The following TCF7L1 variants were observed in gnomAD, a reference collection of about 807,000 sequenced individuals.
The protein encoded by TCF7L1 is transcription factor 7 like 1.
TCF7L1 carries 18 observed loss-of-function variants against 63.7 expected under a neutral mutation model. The ratio of observed to expected loss-of-function variants is 0.28; its 90% confidence interval spans 0.20 to 0.42. The LOEUF is 0.42. TCF7L1 is among the 10% of genes least tolerant of loss of function. The probability of loss-of-function intolerance (pLI) is 1.00; values close to 1 mark genes in which losing one functional copy is unlikely to be tolerated. For synonymous variants in TCF7L1, 355 were observed against 340.9 expected, an observed-to-expected ratio of 1.04 and a Z score of -0.46; for missense variants, 654 against 779.3, an observed-to-expected ratio of 0.84 and a Z score of 1.91.
In TCF7L1 at chr2:85,309,829, A is replaced by G. The variant is rs757965981; in HGVS notation, c.*367A>G. 21 of 213,142 alleles carry G rather than the reference A, an allele frequency of 9.9e-5. No individual in the cohort carries two copies. Among genetic ancestry groups the G allele is most frequent in the Middle Eastern group, 1.6e-3 (1 of 616 alleles). The allele number at this position is 213,142 out of a possible 1,614,324, so 13.2% of individuals were successfully genotyped here. A position where few individuals can be genotyped will look rare whatever the true frequency, so the allele number is the denominator to read the frequency against. On this transcript the variant is annotated 3_prime_UTR_variant, in exon 12 of 12. Transcript: ENST00000282111. The stretch of plus-strand genomic sequence containing the variant: ...CCTGCCGCCTGCCCCAGCTTCCCCG[A>G]CTCCATCTGCAGCTCTGCCATTGTG...
At chr2:85,252,306 A>G (rs1240870589) in intron 3 of TCF7L1, among the ~76,000 whole-genome samples, 1 of 152,240 alleles carries the variant, frequency 6.6e-6, no homozygotes, top group African/African-American at 2.4e-5. Context: ...TTTTGAAGCC[A>G]TATTCATGGC....
At chr2:85,295,899 T>C (rs1359873597) in intron 4 of TCF7L1, among the ~76,000 whole-genome samples, 1 of 146,952 alleles carries the variant, frequency 6.8e-6, no homozygotes. Flanking sequence ...TGCCTCAGCC[T>C]CCTGAGTAGC....
chr2:85,143,410 TGGCTGCTCC>T (rs1303189180), intron 3 of TCF7L1, among the ~76,000 whole-genome samples: 2 of 152,136 alleles, frequency 1.3e-5, no homozygotes, highest in Non-Finnish European at 2.9e-5. Flanking sequence ...TGAGGTAAAA[TGGCTGCTCC>T]GGCTGCTCTT....
chr2:85,181,065 C>G (rs1572979404), intron 3 of TCF7L1, among the ~76,000 whole-genome samples: 1 of 152,148 alleles, frequency 6.6e-6, no homozygotes, highest in Non-Finnish European at 1.5e-5. Flanking sequence ...CTGGTGGGTT[C>G]AGGTTTCGTA....
intron 3 of TCF7L1, among the ~76,000 whole-genome samples, chr2:85,136,955 G>A (rs1351137431): frequency 6.6e-6 from 1 of 152,162 alleles, no homozygotes; most frequent in Non-Finnish European, 1.5e-5. Context: ...CTGGTAAAAT[G>A]AATGTGGATA....
chr2:85,290,049 C>T (rs1434945959), intron 4 of TCF7L1, among the ~76,000 whole-genome samples: 1 of 150,376 alleles, frequency 6.6e-6, no homozygotes, highest in Non-Finnish European at 1.5e-5. Flanking sequence ...GCGATCTCAG[C>T]TCACTGCAAC....
In TCF7L1 at chr2:85,230,321, T is replaced by C. The variant is rs1680048608; in HGVS notation, c.442-53174T>C. Among the ~76,000 whole-genome samples, 3 of 152,172 alleles carry C rather than the reference T, an allele frequency of 2.0e-5. No individual in the cohort carries two copies. The South Asian group carries it at 6.2e-4, about 32-fold the overall frequency. ...GAGTACAATCCTAGATTTGGGCTCA[T>C]TGAGTAAAAGGCTAGAAACATCTTT... On this transcript the variant is annotated intron_variant, in intron 3 of 11. Transcript: ENST00000282111.
chr2:85,159,793 G>A (rs1227127722), intron 3 of TCF7L1, among the ~76,000 whole-genome samples: 6 of 152,214 alleles, frequency 3.9e-5, no homozygotes, highest in East Asian at 1.9e-4. Context: ...ACATCCTGCC[G>A]GCCTTGCTGG....
intron 3 of TCF7L1, among the ~76,000 whole-genome samples, chr2:85,136,726 G>A (rs1453570209): frequency 1.3e-5 from 2 of 152,186 alleles, no homozygotes; most frequent in African/African-American, 4.8e-5. Context: ...CTGGGGAAGT[G>A]TCCTGCCCTT....
At chr2:85,137,509 A>G (rs1677621332) in intron 3 of TCF7L1, among the ~76,000 whole-genome samples, 1 of 152,208 alleles carries the variant, frequency 6.6e-6, no homozygotes, top group Non-Finnish European at 1.5e-5. Context: ...CCATTTTTCA[A>G]ATAATCACCT....
intron 3 of TCF7L1, among the ~76,000 whole-genome samples, chr2:85,153,427 C>T (rs565435202): frequency 5.0e-5 from 7 of 141,258 alleles, no homozygotes; most frequent in Admixed American, 2.3e-4. Flanking sequence ...TTGCAAGCTC[C>T]GCCTCCCGGG....
At chr2:85,278,201 C>G (rs1179534460) in intron 3 of TCF7L1, among the ~76,000 whole-genome samples, 1 of 152,202 alleles carries the variant, frequency 6.6e-6, no homozygotes, top group African/African-American at 2.4e-5. Context: ...GGGACCCTTC[C>G]CGAGATCCAC....
chr2:85,179,293 C>G (rs528205425), intron 3 of TCF7L1, among the ~76,000 whole-genome samples: 1 of 152,154 alleles, frequency 6.6e-6, no homozygotes, highest in Non-Finnish European at 1.5e-5. Context: ...GAAACACAAC[C>G]TGAGTCCTGG....
At chr2:85,267,964 T>C (rs1285220725) in intron 3 of TCF7L1, among the ~76,000 whole-genome samples, 2 of 152,244 alleles carry the variant, frequency 1.3e-5, no homozygotes, top group Non-Finnish European at 2.9e-5. Context: ...TCAGAAGTGC[T>C]GTATTCCACA....
intron 3 of TCF7L1, among the ~76,000 whole-genome samples, chr2:85,156,825 G>A (rs952362740): frequency 3.3e-5 from 5 of 152,206 alleles, no homozygotes; most frequent in African/African-American, 1.2e-4. Context: ...TTCTCAGCTT[G>A]GGGCAGCATT....
intron 3 of TCF7L1, among the ~76,000 whole-genome samples, chr2:85,235,531 C>T (rs1050923085): frequency 1.3e-5 from 2 of 152,070 alleles, no homozygotes; most frequent in Admixed American, 1.3e-4. Flanking sequence ...TGTGGTGTGA[C>T]CATGGGCACA....
At chr2:85,269,562 C>G (rs922615906) in intron 3 of TCF7L1, among the ~76,000 whole-genome samples, 2 of 152,172 alleles carry the variant, frequency 1.3e-5, no homozygotes, top group Non-Finnish European at 2.9e-5. Flanking sequence ...CTCAGGTGAG[C>G]CTCCCAAAGT....
Position 85,309,162 on chromosome 2 carries a change from A to G in TCF7L1, c.1467A>G (p.Pro489=), listed in dbSNP as rs1350981138. 2.5e-6 allele frequency: 4 copies of G among 1,612,680 alleles called. No homozygotes were observed. Among genetic ancestry groups the G allele is most frequent in the Middle Eastern group, 1.7e-4 (1 of 6,060 alleles). The change falls in exon 12 of 12, where the codon CCA becomes CCG. Residue 489 remains proline (P), a synonymous_variant. Coordinates refer to ENST00000282111, the MANE Select transcript of TCF7L1 (RefSeq NM_031283.3). ...CTCCCTCTGCAGCTTTGGCCTCACC[A>G]GCTGCCCCTGCTGCCACCCATTCGG... ...PATPSAALAS[P]AAPAATHSEQ...
chr2:85,256,523 A>C (rs891949469), intron 3 of TCF7L1, among the ~76,000 whole-genome samples: 14 of 152,216 alleles, frequency 9.2e-5, no homozygotes, highest in African/African-American at 3.4e-4. Flanking sequence ...CCGGACACAC[A>C]ATCAATTACA....
Sources: gnomAD v4.1 joint callset for allele counts (sites outside exome capture counted in the v4.1 genomes callset) on GRCh38, gnomAD v4.1.1 for gene constraint, MANE v1.5 for transcripts, NCBI Gene and HGNC (gene_info 2026-07-23, HGNC 2026-07-21) for gene names.